Variants in DNAH1 observed in about 807,000 individuals in gnomAD.
The protein encoded by DNAH1 is axonemal beta dynein heavy chain 1.
A neutral mutation model predicts 484.3 loss-of-function variants in DNAH1; 327 were observed. That is an observed-to-expected ratio of 0.68 (90% CI 0.62 to 0.74). DNAH1 has a LOEUF of 0.74. DNAH1 is among the 30% of genes least tolerant of loss of function. The pLI is 0.00. For missense variants in DNAH1, 5,052 were observed against 5,546.8 expected (o/e 0.91, Z 2.83); for synonymous variants, 2,192 against 2,191.9 (o/e 1.00, Z 0.00).
At chr3:52,391,128 T>C in intron 61 of DNAH1, 51 bp from the exon 62 acceptor site, 1 of 1,611,212 alleles carries the variant, frequency 6.2e-7, no homozygotes. Flanking sequence ...CCGCAGAGCC[T>C]CAGGCTGGCT....
intron 56 of DNAH1, 34 bp from the exon 57 acceptor site, chr3:52,388,133 A>C: frequency 6.3e-7 from 1 of 1,591,406 alleles, no homozygotes; most frequent in South Asian, 1.1e-5. Flanking sequence ...ACCCTTGAGA[A>C]GCAGCCTCTT....
upstream of DNAH1, among the ~76,000 whole-genome samples, chr3:52,312,842 C>T (rs897424379): frequency 6.6e-5 from 10 of 152,020 alleles, no homozygotes; most frequent in South Asian, 1.0e-3. Flanking sequence ...TTAGTAGAGA[C>T]GGGGTTTTAC....
chr3:52,391,929 C>T (rs1433803389), intron 63 of DNAH1, among the ~76,000 whole-genome samples: 1 of 152,208 alleles, frequency 6.6e-6, no homozygotes, highest in Non-Finnish European at 1.5e-5. Context: ...GTGCCCTCAT[C>T]CTCAGAGCTG....
Position 52,396,357 on chromosome 3 carries a change from A to T in DNAH1, c.11260-11A>T, listed in dbSNP as rs1180279857. 1.9e-6 allele frequency: 3 copies of T among 1,565,992 alleles called. No individual in the cohort carries two copies. The African/African-American group carries it at 4.1e-5, about 21-fold the overall frequency. On this transcript the variant is annotated splice_polypyrimidine_tract_variant and intron_variant, in intron 70 of 77. Transcript: ENST00000420323. ...TGGGTCTCAATGCTCACGTGGAGCC[A>T]TGGCCACCAGGTACACAGGGACTTC...
intron 44 of DNAH1, chr3:52,374,029 A>C: frequency 3.9e-6 from 4 of 1,020,448 alleles, no homozygotes; most frequent in Non-Finnish European, 6.2e-6. Context: ...TAGCGAAGAA[A>C]TATATTGATC....
intron 52 of DNAH1, 30 bp downstream of exon 52, chr3:52,384,061 G>T: frequency 6.5e-7 from 1 of 1,549,632 alleles, no homozygotes; most frequent in South Asian, 1.2e-5. Flanking sequence ...TCAGGCCCTT[G>T]GGGAGACCTG....
Position 52,389,580 on chromosome 3 carries a change from G to A in DNAH1, c.9615G>A (p.Ser3205=), listed in dbSNP as rs369027266. The change falls in exon 60 of 78, where the codon TCG becomes TCA. Residue 3205 remains serine, a synonymous_variant. Coordinates refer to ENST00000420323, the MANE Select transcript of DNAH1 (RefSeq NM_015512.5). ...GTLGNPVKIR[S]WQIAGLPNDT... ...TGGGGAACCCTGTGAAGATCCGATCGTGGCAGGTGCCCACCCCAGGGGCAG... is the reference window on the plus strand; with the variant it reads ...TGGGGAACCCTGTGAAGATCCGATCATGGCAGGTGCCCACCCCAGGGGCAG... The A allele has an allele frequency of 5.2e-5, 78 of 1,488,836 alleles. No individual in the cohort carries two copies. The highest frequency in any genetic ancestry group is 4.4e-4 in the Middle Eastern group (2 of 4,510). The allele number at this position is 1,488,836 out of a possible 1,614,324, so 92.2% of individuals were successfully genotyped here. A position where few individuals can be genotyped will look rare whatever the true frequency, so the allele number is the denominator to read the frequency against.
At chr3:52,390,143 T>C (rs534619617) in intron 60 of DNAH1, among the ~76,000 whole-genome samples, 2 of 152,016 alleles carry the variant, frequency 1.3e-5, no homozygotes, top group Middle Eastern at 3.4e-3. Flanking sequence ...AAAAGAGTGT[T>C]GGGTGGAGGT....
chr3:52,385,688 C>T (rs1276541743), intron 54 of DNAH1, among the ~76,000 whole-genome samples: 1 of 152,244 alleles, frequency 6.6e-6, no homozygotes, highest in East Asian at 1.9e-4. Flanking sequence ...CTGAACGATT[C>T]CAATAACCAC....
At chr3:52,327,170 G>A (rs1391466482) in intron 5 of DNAH1, among the ~76,000 whole-genome samples, 6 of 152,148 alleles carry the variant, frequency 3.9e-5, no homozygotes, top group Non-Finnish European at 8.8e-5. Context: ...GGGCAACCTA[G>A]ATGCGGCCCA....
In DNAH1 at chr3:52,393,463, T is replaced by C. The variant is rs764589215; in HGVS notation, c.10604T>C (p.Met3535Thr). ...FAFLLCVRIMMNEGKINQSEW... is the reference protein window; with the variant it reads ...FAFLLCVRIMTNEGKINQSEW... ...TTCCTGCTGTGTGTTCGCATCATGATGAACGAGGGCAAAATCAACCAGGTG... is the reference window on the plus strand; with the variant it reads ...TTCCTGCTGTGTGTTCGCATCATGACGAACGAGGGCAAAATCAACCAGGTG... Residue 3535 changes from methionine to threonine, a missense_variant, in exon 66 of 78, where the codon ATG (methionine) becomes ACG (threonine). Around this residue, in one of 4 missense-constraint regions of DNAH1, gnomAD observed 2,929 missense variants for 3,409.4 expected, o/e 0.86. Coordinates refer to ENST00000420323, the MANE Select transcript of DNAH1 (RefSeq NM_015512.5). The C allele has an allele frequency of 6.2e-7, 1 of 1,614,016 alleles. No homozygotes were observed. Among genetic ancestry groups the C allele is most frequent in the Non-Finnish European group, 8.5e-7 (1 of 1,179,890 alleles).
At position 52,391,439 on chromosome 3, in the gene DNAH1, A is replaced by G; in HGVS notation, c.9892-4A>G. 2 of 1,608,118 alleles carry G rather than the reference A, an allele frequency of 1.2e-6. No homozygotes were observed. The highest frequency in any genetic ancestry group is 1.1e-5 in the South Asian group (1 of 90,232). On this transcript the variant is annotated splice_polypyrimidine_tract_variant and splice_region_variant and intron_variant, in intron 62 of 77. Coordinates refer to ENST00000420323, the MANE Select transcript of DNAH1 (RefSeq NM_015512.5). Reference sequence around the variant, plus strand: ...ACAGTACCCACCGGTCCCACCCACCACAGACGTACAAGCAGCAGGGAAACA... The same window carrying G: ...ACAGTACCCACCGGTCCCACCCACCGCAGACGTACAAGCAGCAGGGAAACA...
intron 53 of DNAH1, 64 bp downstream of exon 53, chr3:52,385,041 C>A: frequency 6.5e-7 from 1 of 1,533,202 alleles, no homozygotes; most frequent in East Asian, 2.3e-5. Context: ...TCACTCAGCC[C>A]TGACTCCAGG....
chr3:52,373,640 A>G (rs1019125514), intron 44 of DNAH1: 3 of 1,426,122 alleles, frequency 2.1e-6, no homozygotes, highest in East Asian at 2.3e-5. Context: ...TTCAAAAACT[A>G]CCATCCTTAA....
At chr3:52,344,056 G>A (rs769966574) in intron 8 of DNAH1, among the ~76,000 whole-genome samples, 6 of 152,222 alleles carry the variant, frequency 3.9e-5, no homozygotes, top group South Asian at 4.1e-4. Context: ...CCTTCCAGGC[G>A]CTGCCATGAT....
At chr3:52,332,436 C>T (rs1345019628) in intron 8 of DNAH1, 42 bp downstream of exon 8, 1 of 1,594,560 alleles carries the variant, frequency 6.3e-7, no homozygotes, top group Admixed American at 1.7e-5. Flanking sequence ...GCATCACCTT[C>T]TTCAGGGAAC....
At position 52,380,141 on chromosome 3, in the gene DNAH1, G is replaced by T; in HGVS notation, c.7608+6G>T. 1 of 1,580,732 alleles carries T rather than the reference G, an allele frequency of 6.3e-7. No homozygotes were observed. Among genetic ancestry groups the T allele is most frequent in the East Asian group, 2.3e-5 (1 of 42,972 alleles). On this transcript the variant is annotated splice_donor_region_variant and intron_variant, in intron 48 of 77. Transcript: ENST00000420323. ...TCATCACCAGTGAGAGTAAGGTGAG[G>T]GGCCCAGGCAGGCGCCCTGCCCCTG...
chr3:52,388,163 T>G lies in DNAH1; in HGVS notation c.9004-4T>G. ...CCTCTTGAGACCCAGGCTTCCCACC[T>G]CAGGACAACATTGGGGATGTGGTGA... On this transcript the variant is annotated splice_polypyrimidine_tract_variant and splice_region_variant and intron_variant, in intron 56 of 77. Transcript: ENST00000420323. The G allele has an allele frequency of 6.2e-7, 1 of 1,607,142 alleles. No individual in the cohort carries two copies. The highest frequency in any genetic ancestry group is 8.5e-7 in the Non-Finnish European group (1 of 1,176,976).
intron 12 of DNAH1, 40 bp from the exon 13 acceptor site, chr3:52,348,848 C>A: frequency 6.3e-7 from 1 of 1,596,946 alleles, no homozygotes; most frequent in South Asian, 1.1e-5. Context: ...CACCCCCTGG[C>A]TCATCCAGGT....
Sources: gnomAD v4.1 joint callset for allele counts (sites outside exome capture counted in the v4.1 genomes callset) on GRCh38, gnomAD v4.1.1 for gene constraint, gnomAD v4.1.1 regional missense constraint, MANE v1.5 for transcripts, NCBI Gene and HGNC (gene_info 2026-07-23, HGNC 2026-07-21) for gene names.